PTPRD: variants seen among roughly 807,000 people sequenced by gnomAD.
The protein encoded by PTPRD is receptor-type tyrosine-protein phosphatase delta.
In PTPRD, 34 loss-of-function variants were observed where a neutral mutation model predicts 214.5. The ratio of observed to expected loss-of-function variants is 0.16; its 90% CI spans 0.12 to 0.21. PTPRD has a LOEUF of 0.21. Among genes scored for constraint, PTPRD ranks in the 10% least tolerant of loss-of-function variants. The pLI is 1.00. For missense variants in PTPRD, 2,545 were observed against 2,398.7 expected, an observed-to-expected ratio of 1.06 and a Z score of -1.27; for synonymous variants, 1,128 against 845.7, an observed-to-expected ratio of 1.33 and a Z score of -5.79.
intron 9 of PTPRD, among the ~76,000 whole-genome samples, chr9:9,308,762 A>G (rs1249340958): frequency 6.6e-6 from 1 of 152,186 alleles, no homozygotes; most frequent in East Asian, 1.9e-4. Context: ...ACAATTTAAA[A>G]CATAATGTAT....
chr9:9,958,930 G>C (rs959970182), intron 4 of PTPRD, among the ~76,000 whole-genome samples: 5 of 152,128 alleles, frequency 3.3e-5, no homozygotes, highest in African/African-American at 1.2e-4. Flanking sequence ...AGCCATTTTA[G>C]AAAAAGGTTT....
intron 10 of PTPRD, among the ~76,000 whole-genome samples, chr9:9,038,803 C>T (rs551196604): frequency 5.3e-5 from 8 of 151,864 alleles, no homozygotes; most frequent in Non-Finnish European, 7.4e-5. Context: ...GTGATCAGTC[C>T]GCCTCGGACT....
rs1310402421 is a variant in PTPRD at position 9,600,042 on chromosome 9, T to A, written c.-286-25261A>T. 4.6e-5 allele frequency among the ~76,000 whole-genome samples: 7 copies of A among 152,112 alleles called. No homozygotes were observed. In the East Asian group the frequency reaches 1.4e-3, roughly 30 times the overall value. On this transcript the variant is annotated intron_variant, in intron 7 of 45. Transcript: ENST00000381196. ...AAAATGCATTCTAAATCCAAGCAGA[T>A]GAGTTACAATAAATTTTTGAAACAT...
chr9:9,827,984 C>G (rs931790494), intron 5 of PTPRD, among the ~76,000 whole-genome samples: 1 of 151,988 alleles, frequency 6.6e-6, no homozygotes, highest in Non-Finnish European at 1.5e-5. Flanking sequence ...GAATGGCGAT[C>G]GTTAAAAAGT....
At chr9:9,659,998 T>C (rs1368103579) in intron 7 of PTPRD, among the ~76,000 whole-genome samples, 1 of 152,076 alleles carries the variant, frequency 6.6e-6, no homozygotes, top group Non-Finnish European at 1.5e-5. Context: ...CCTTGTATAA[T>C]ACATAGTCAC....
intron 3 of PTPRD, among the ~76,000 whole-genome samples, chr9:10,073,181 T>C (rs924301140): frequency 1.3e-5 from 2 of 151,886 alleles, no homozygotes; most frequent in African/African-American, 4.8e-5. Flanking sequence ...GCAGTGAAAC[T>C]TTACCTTATG....
At chr9:9,549,396 C>A (rs2079630340) in intron 8 of PTPRD, among the ~76,000 whole-genome samples, 1 of 151,962 alleles carries the variant, frequency 6.6e-6, no homozygotes. Context: ...ATGAAACCAT[C>A]CAAATAGCCA....
intron 33 of PTPRD, among the ~76,000 whole-genome samples, chr9:8,456,786 T>G (rs1016547965): frequency 6.6e-6 from 1 of 152,070 alleles, no homozygotes; most frequent in Non-Finnish European, 1.5e-5. Context: ...GGCTAGATTA[T>G]TACCATTCAA....
intron 9 of PTPRD, among the ~76,000 whole-genome samples, chr9:9,216,034 C>T (rs2099951957): frequency 6.6e-6 from 1 of 152,160 alleles, no homozygotes; most frequent in Non-Finnish European, 1.5e-5. Context: ...GTTCAGAACA[C>T]ACAATCTAGT....
At chr9:9,775,014 C>T (rs376529698) in intron 5 of PTPRD, among the ~76,000 whole-genome samples, 2 of 152,150 alleles carry the variant, frequency 1.3e-5, no homozygotes, top group East Asian at 3.9e-4. Context: ...AGCATTAGTA[C>T]CTGAAAAGGA....
intron 9 of PTPRD, among the ~76,000 whole-genome samples, chr9:9,383,436 G>C (rs935436285): frequency 6.6e-6 from 1 of 152,052 alleles, no homozygotes; most frequent in Non-Finnish European, 1.5e-5. Context: ...GATTTACAAA[G>C]TACTAACTGA....
intron 11 of PTPRD, among the ~76,000 whole-genome samples, chr9:8,957,170 A>G (rs16928673): frequency 0.026 from 3,995 of 151,902 alleles, 160 homozygotes; most frequent in African/African-American, 0.091. Flanking sequence ...GTTTCATCAC[A>G]CACAGGGATT....
At chr9:8,820,743 A>G (rs2154526498) in intron 11 of PTPRD, among the ~76,000 whole-genome samples, 1 of 152,054 alleles carries the variant, frequency 6.6e-6, no homozygotes, top group East Asian at 1.9e-4. Context: ...ACACACACAC[A>G]CTTTTTGTGT....
At chr9:9,928,521 C>A (rs1162239951) in intron 5 of PTPRD, among the ~76,000 whole-genome samples, 2 of 151,908 alleles carry the variant, frequency 1.3e-5, no homozygotes, top group Non-Finnish European at 2.9e-5. Flanking sequence ...ATCACTTACA[C>A]AAAGTAAAGA....
rs114778739 is a variant in PTPRD at position 9,040,257 on chromosome 9, G to T, written c.-142-21522C>A. Among the ~76,000 whole-genome samples, 563 of 152,222 alleles carry T rather than the reference G, an allele frequency of 3.7e-3. 1 individual carries two copies. The highest frequency in any genetic ancestry group is 0.012 in the African/African-American group (504 of 41,558). On this transcript the variant is annotated intron_variant, in intron 10 of 45. Coordinates refer to ENST00000381196, the MANE Select transcript of PTPRD (RefSeq NM_002839.4). ...GCAAAATCAGGATTTGAAAGCAGGT[G>T]CTCAGATTCAGATACTTTTACACTA...
At chr9:9,728,763 T>C (rs932049879) in intron 7 of PTPRD, among the ~76,000 whole-genome samples, 24 of 152,294 alleles carry the variant, frequency 1.6e-4, no homozygotes, top group African/African-American at 5.5e-4. Flanking sequence ...ACTTCAACTA[T>C]TATTAAAAGA....
intron 23 of PTPRD, among the ~76,000 whole-genome samples, chr9:8,502,846 G>GTATATATATATATATA (rs1360077149): frequency 1.4e-5 from 2 of 139,806 alleles, no homozygotes; most frequent in African/African-American, 5.3e-5. Flanking sequence ...GTATGTGTGT[G>GTATATATATATATATA]TGTATATATA....
At chr9:10,352,421 A>G (rs923771721) in intron 2 of PTPRD, among the ~76,000 whole-genome samples, 3 of 151,866 alleles carry the variant, frequency 2.0e-5, no homozygotes, top group African/African-American at 7.2e-5. Context: ...CCTCTCTAAC[A>G]CATTTTGTTT....
chr9:8,564,099 C>T (rs920600428), intron 14 of PTPRD, among the ~76,000 whole-genome samples: 29 of 152,164 alleles, frequency 1.9e-4, no homozygotes, highest in South Asian at 6.2e-4. Context: ...TGCTGGACAG[C>T]AGATCCAAGC....
Sources: gnomAD v4.1 joint callset for allele counts (sites outside exome capture counted in the v4.1 genomes callset) on GRCh38, gnomAD v4.1.1 for gene constraint, MANE v1.5 for transcripts, NCBI Gene and HGNC (gene_info 2026-07-23, HGNC 2026-07-21) for gene names.